Variants in PITPNC1 observed in about 807,000 individuals in gnomAD.
The protein encoded by PITPNC1 is cytoplasmic phosphatidylinositol transfer protein 1.
In PITPNC1, 18 loss-of-function variants were observed where a neutral mutation model predicts 44.7. The ratio of observed to expected loss-of-function variants is 0.40; its 90% confidence interval spans 0.28 to 0.60. The LOEUF (loss-of-function observed/expected upper bound fraction) is 0.60. PITPNC1 is among the 20% of genes least tolerant of loss of function. The probability of loss-of-function intolerance (pLI) is 0.39; values close to 1 mark genes in which losing one functional copy is unlikely to be tolerated. For missense variants in PITPNC1, 290 were observed against 418.4 expected, an observed-to-expected ratio of 0.69 and a Z score of 2.68; for synonymous variants, 141 against 149.6, an observed-to-expected ratio of 0.94 and a Z score of 0.42.
chr17:67,498,009 C>T (rs1017441328), intron 1 of PITPNC1, among the ~76,000 whole-genome samples: 3 of 151,790 alleles, frequency 2.0e-5, no homozygotes, highest in Admixed American at 1.3e-4. Flanking sequence ...CACAGGCATG[C>T]GCCACCAGGC....
chr17:67,462,854 C>T (rs552897803), intron 1 of PITPNC1, among the ~76,000 whole-genome samples: 10 of 152,222 alleles, frequency 6.6e-5, no homozygotes, highest in East Asian at 3.9e-4. Context: ...AGGCATGGGC[C>T]GCTACGCCCG....
At position 67,631,671 on chromosome 17, in the gene PITPNC1, T is replaced by TATATATATAAA. The variant is rs1272988970; in HGVS notation, c.367-471_367-470insTATATATAAAA. ...AAAAAAAAAAAAATATATATATATA[T>TATATATATAAA]AAAATATATATTTTTAACATATATA... is the stretch of plus-strand genomic sequence containing the variant. On this transcript the variant is annotated intron_variant, in intron 5 of 8. Transcript: ENST00000581322. Among the ~76,000 whole-genome samples the TATATATATAAA allele has an allele frequency of 4.3e-5, 3 of 69,672 alleles. No homozygotes were observed. The East Asian group carries it at 1.0e-3, about 24-fold the overall frequency. The allele number at this position is 69,672 out of a possible 152,430, so 45.7% of individuals were successfully genotyped here.
chr17:67,569,902 T>C (rs73994901), intron 4 of PITPNC1, among the ~76,000 whole-genome samples: 4,705 of 152,006 alleles, frequency 0.031, 213 homozygotes, highest in African/African-American at 0.1. Context: ...GAGAGAGAGA[T>C]AAAAAAGAAA....
chr17:67,575,854 C>CCTTT (rs1568047805), intron 4 of PITPNC1, among the ~76,000 whole-genome samples: 1 of 72,136 alleles, frequency 1.4e-5, no homozygotes, highest in African/African-American at 5.5e-5. Flanking sequence ...TTCTTTCTTT[C>CCTTT]TTTCCTTCCT....
chr17:67,523,686 G>C (rs1228806057), intron 1 of PITPNC1, among the ~76,000 whole-genome samples: 1 of 151,410 alleles, frequency 6.6e-6, no homozygotes, highest in Non-Finnish European at 1.5e-5. Flanking sequence ...AGCCCACTGT[G>C]AACAATTATC....
chr17:67,551,049 A>T (rs2040756046), intron 2 of PITPNC1, among the ~76,000 whole-genome samples: 1 of 152,114 alleles, frequency 6.6e-6, no homozygotes, highest in African/African-American at 2.4e-5. Context: ...TGACAGAGCG[A>T]GACTCCGTGT....
intron 1 of PITPNC1, among the ~76,000 whole-genome samples, chr17:67,461,316 A>G (rs944168744): frequency 6.6e-6 from 1 of 152,280 alleles, no homozygotes; most frequent in Non-Finnish European, 1.5e-5. Flanking sequence ...CTGGAAGTCA[A>G]ATAGATAATA....
chr17:67,524,194 AAACTTT>A (rs2040366304), intron 1 of PITPNC1, among the ~76,000 whole-genome samples: 1 of 152,176 alleles, frequency 6.6e-6, no homozygotes, highest in Non-Finnish European at 1.5e-5. Flanking sequence ...TATAATCCCA[AAACTTT>A]GTGAGGCTGT....
At chr17:67,452,125 C>T (rs2039188001) in intron 1 of PITPNC1, among the ~76,000 whole-genome samples, 1 of 151,924 alleles carries the variant, frequency 6.6e-6, no homozygotes. Context: ...CCAACGTCAT[C>T]CTCCTGAGTA....
At chr17:67,578,352 G>A in intron 5 of PITPNC1, 95 bp downstream of exon 5, 1 of 832,060 alleles carries the variant, frequency 1.2e-6, no homozygotes, top group South Asian at 1.4e-5. Flanking sequence ...CCAGCAGTGG[G>A]ACCTGTGCCT....
intron 1 of PITPNC1, among the ~76,000 whole-genome samples, chr17:67,442,187 G>C (rs990670123): frequency 8.1e-6 from 1 of 123,696 alleles, no homozygotes; most frequent in Non-Finnish European, 1.6e-5. Context: ...ATTGGAGCTG[G>C]ATCAGGGGAA....
rs1035760573 is a variant in PITPNC1, at chr17:67,429,290, A to G, written c.48+51088A>G. 1.3e-5 allele frequency among the ~76,000 whole-genome samples: 2 copies of G among 152,238 alleles called. 1 individual carries two copies. The highest frequency in any genetic ancestry group is 1.3e-4 in the Admixed American group (2 of 15,276). On this transcript the variant is annotated intron_variant, in intron 1 of 8. Coordinates refer to ENST00000581322, the MANE Select transcript of PITPNC1 (RefSeq NM_012417.4). ...ACCACTGATGGGTAAATTGAAAGCTAGTGATTATAGGACAGTGGTTGCCAG... is the reference window on the plus strand; with the variant it reads ...ACCACTGATGGGTAAATTGAAAGCTGGTGATTATAGGACAGTGGTTGCCAG...
intron 1 of PITPNC1, among the ~76,000 whole-genome samples, chr17:67,473,276 C>T (rs553350629): frequency 6.6e-6 from 1 of 151,972 alleles, no homozygotes; most frequent in Non-Finnish European, 1.5e-5. Context: ...CTCAAGCTGT[C>T]TACCCACCTC....
chr17:67,589,099 C>G (rs546431588), intron 5 of PITPNC1, among the ~76,000 whole-genome samples: 1 of 152,294 alleles, frequency 6.6e-6, no homozygotes, highest in Non-Finnish European at 1.5e-5. Flanking sequence ...AGTCAATGTT[C>G]TTATTCAATC....
At chr17:67,505,525 G>A (rs1051448413) in intron 1 of PITPNC1, among the ~76,000 whole-genome samples, 5 of 152,048 alleles carry the variant, frequency 3.3e-5, no homozygotes, top group Non-Finnish European at 5.9e-5. Context: ...TCTGATATTA[G>A]TACAGCCACT....
At chr17:67,580,157 G>A (rs1455255332) in intron 5 of PITPNC1, among the ~76,000 whole-genome samples, 3 of 152,106 alleles carry the variant, frequency 2.0e-5, no homozygotes, top group Admixed American at 1.3e-4. Context: ...CCTGAAGTAT[G>A]CTTCCCTATA....
At chr17:67,593,866 C>G (rs946174388) in intron 5 of PITPNC1, among the ~76,000 whole-genome samples, 2 of 152,152 alleles carry the variant, frequency 1.3e-5, no homozygotes, top group African/African-American at 4.8e-5. Context: ...TTTTCCCCCT[C>G]ATAATTACTG....
At chr17:67,428,839 C>CTTTTTTT (rs369624053) in intron 1 of PITPNC1, among the ~76,000 whole-genome samples, 52 of 113,164 alleles carry the variant, frequency 4.6e-4, no homozygotes, top group Non-Finnish European at 7.5e-4. Flanking sequence ...ACTTGTCTTG[C>CTTTTTTT]TTTTTTTTTT....
intron 5 of PITPNC1, among the ~76,000 whole-genome samples, chr17:67,610,932 A>G (rs1205817250): frequency 2.6e-5 from 4 of 151,906 alleles, no homozygotes; most frequent in East Asian, 3.9e-4. Flanking sequence ...AAAAAAAAAA[A>G]AAAGAAAAAG....
Sources: gnomAD v4.1 joint callset for allele counts (sites outside exome capture counted in the v4.1 genomes callset) on GRCh38, gnomAD v4.1.1 for gene constraint, MANE v1.5 for transcripts, NCBI Gene and HGNC (gene_info 2026-07-23, HGNC 2026-07-21) for gene names.